The following FAAH2 variants were observed in gnomAD, a reference collection of about 807,000 sequenced individuals.
FAAH2 encodes fatty acid amide hydrolase 2, also known as fatty-acid amide hydrolase 2.
A neutral mutation model predicts 36.9 loss-of-function variants in FAAH2; 60 were observed. The observed-to-expected ratio is 1.63, with a 90% CI of 1.32 to 2.02. The LOEUF is 2.02. Ranked by LOEUF, FAAH2 falls within the 30% of genes most tolerant of loss-of-function variation. The pLI is 0.00. For missense variants in FAAH2, 689 were observed against 397.5 expected, an observed-to-expected ratio of 1.73 and a Z score of -6.23; for synonymous variants, 214 against 143.8, an observed-to-expected ratio of 1.49 and a Z score of -3.49.
chrX:57,207,229 C>A, the FAAH2 span, among the ~76,000 whole-genome samples: 2 of 111,177 alleles, frequency 1.8e-5, no homozygotes, highest in Non-Finnish European at 3.8e-5. Flanking sequence ...TGTAATAAAT[C>A]TCTTTCCCTA....
intron 1 of FAAH2, among the ~76,000 whole-genome samples, chrX:57,291,488 A>T (rs2051981983): frequency 8.9e-6 from 1 of 112,128 alleles, no homozygotes; most frequent in African/African-American, 3.2e-5. Context: ...TCATATAAAC[A>T]TTGTATAGCT....
At chrX:57,338,260 G>A (rs1226120305) in intron 4 of FAAH2, among the ~76,000 whole-genome samples, 1 of 111,528 alleles carries the variant, frequency 9.0e-6, no homozygotes, top group Non-Finnish European at 1.9e-5. Context: ...GGGCAGGAGT[G>A]GAGGTCGCAA....
chrX:57,464,633 A>G (rs1290748506), intron 10 of FAAH2, among the ~76,000 whole-genome samples: 2 of 109,750 alleles, frequency 1.8e-5, no homozygotes, highest in Non-Finnish European at 3.8e-5. Context: ...GGGAGAAAAT[A>G]TTTGCAAACT....
the FAAH2 span, among the ~76,000 whole-genome samples, chrX:57,219,961 C>T: frequency 1.0e-5 from 1 of 99,849 alleles, no homozygotes; most frequent in Non-Finnish European, 2.0e-5. Context: ...TTCAACTTTG[C>T]AATTCTAACT....
chrX:57,360,443 G>T (rs1442857641), intron 5 of FAAH2, among the ~76,000 whole-genome samples: 1 of 109,083 alleles, frequency 9.2e-6, no homozygotes, highest in Non-Finnish European at 1.9e-5. Flanking sequence ...TGTTCTGCTT[G>T]ATCTAGTCTG....
At chrX:57,323,200 A>C (rs1434226087) in intron 3 of FAAH2, among the ~76,000 whole-genome samples, 1 of 111,786 alleles carries the variant, frequency 8.9e-6, no homozygotes, top group East Asian at 2.8e-4. Flanking sequence ...TCCATGGTGT[A>C]TATGTGTCAC....
At chrX:57,413,650 G>A (rs184080736) in intron 7 of FAAH2, among the ~76,000 whole-genome samples, 21 of 111,895 alleles carry the variant, frequency 1.9e-4, no homozygotes, top group South Asian at 3.8e-4. Context: ...GTAGTGTGAT[G>A]CCTCCAGCTT....
chrX:57,477,735 C>T (rs2057299427), intron 10 of FAAH2, among the ~76,000 whole-genome samples: 1 of 107,823 alleles, frequency 9.3e-6, no homozygotes, highest in Admixed American at 1.0e-4. Context: ...TGAGAACATG[C>T]AGGGTTTGGT....
chrX:57,260,855 C>G, the FAAH2 span, among the ~76,000 whole-genome samples: 6 of 111,002 alleles, frequency 5.4e-5, no homozygotes, highest in Admixed American at 5.8e-4. Context: ...GATAATATAT[C>G]ACACTCACAA....
chrX:57,155,206 G>A, the FAAH2 span, among the ~76,000 whole-genome samples: 2 of 111,605 alleles, frequency 1.8e-5, no homozygotes, highest in Admixed American at 9.5e-5. Context: ...GGATCAGGTG[G>A]TAGGTGGGGC....
At chrX:57,475,494 G>C (rs904716583) in intron 10 of FAAH2, among the ~76,000 whole-genome samples, 1 of 111,767 alleles carries the variant, frequency 8.9e-6, no homozygotes, top group African/African-American at 3.3e-5. Flanking sequence ...TTGAAGATCA[G>C]ATGGTTGTAG....
chrX:57,487,768 C>T (rs12842549), intron 10 of FAAH2, among the ~76,000 whole-genome samples: 4 of 111,772 alleles, frequency 3.6e-5, no homozygotes, highest in Non-Finnish European at 7.5e-5. Context: ...TTTCATTCAT[C>T]TTTATATGTA....
At chrX:57,335,237 A>G (rs1274502164) in intron 4 of FAAH2, among the ~76,000 whole-genome samples, 7 of 111,189 alleles carry the variant, frequency 6.3e-5, no homozygotes, top group African/African-American at 2.3e-4. Context: ...GAAAAGAAAG[A>G]AAGAGACACA....
chrX:57,439,612 G>C lies in FAAH2; in HGVS notation c.1117-7316G>C, dbSNP rs768994867. 4.2e-3 allele frequency among the ~76,000 whole-genome samples: 464 copies of C among 111,228 alleles called. 2 individuals are homozygous for C. Among genetic ancestry groups the C allele is most frequent in the Middle Eastern group, 9.1e-3 (2 of 219 alleles). On this transcript the variant is annotated intron_variant, in intron 8 of 10. Coordinates refer to ENST00000374900, the MANE Select transcript of FAAH2 (RefSeq NM_174912.4). ...CAGAAGCTCTTTAGTTTAATTAGAT[G>C]CCATTTGTCATTTTTGGCTTTTGTT...
chrX:57,329,341 T>C (rs933143167), intron 3 of FAAH2, among the ~76,000 whole-genome samples: 1 of 111,375 alleles, frequency 9.0e-6, no homozygotes, highest in African/African-American at 3.3e-5. Context: ...GTGCTCTGGT[T>C]GGCACAAGTC....
intron 7 of FAAH2, among the ~76,000 whole-genome samples, chrX:57,426,299 T>C (rs1182866729): frequency 8.9e-6 from 1 of 111,780 alleles, no homozygotes; most frequent in African/African-American, 3.2e-5. Flanking sequence ...GATATAGCAA[T>C]ACAATAATAG....
chrX:57,301,128 T>C (rs865966742), intron 2 of FAAH2, among the ~76,000 whole-genome samples: 8 of 108,644 alleles, frequency 7.4e-5, no homozygotes, highest in Admixed American at 2.0e-4. Context: ...ACCCAAAGGA[T>C]TATAAATCAT....
At chrX:57,358,750 C>T (rs755413957) in intron 5 of FAAH2, among the ~76,000 whole-genome samples, 40 of 111,410 alleles carry the variant, frequency 3.6e-4, no homozygotes, top group African/African-American at 1.2e-3. Context: ...AGTGAGATTG[C>T]TGGATCATGT....
the FAAH2 span, among the ~76,000 whole-genome samples, chrX:57,149,721 T>C: frequency 9.0e-6 from 1 of 111,609 alleles, no homozygotes. Flanking sequence ...CCTGGATTCA[T>C]TAATTTTTTG....
Sources: gnomAD v4.1 joint callset for allele counts (sites outside exome capture counted in the v4.1 genomes callset) on GRCh38, gnomAD v4.1.1 for gene constraint, MANE v1.5 for transcripts, NCBI Gene and HGNC (gene_info 2026-07-23, HGNC 2026-07-21) for gene names.